Variants in CCSER1 observed in about 807,000 individuals in gnomAD.
CCSER1 encodes the protein coiled-coil serine rich protein 1.
A neutral mutation model predicts 82.0 loss-of-function variants in CCSER1; 41 were observed. That is an observed-to-expected ratio of 0.50 (90% CI 0.39 to 0.65). The LOEUF is 0.65. Ranked by LOEUF, CCSER1 falls within the 30% of genes least tolerant of loss-of-function variation. The pLI is 0.00. For synonymous variants in CCSER1, 414 were observed against 383.9 expected (o/e 1.08, Z -0.92); for missense variants, 1,119 against 1,064.2 (o/e 1.05, Z -0.72).
At chr4:90,280,261 A>G (rs1196265730) in intron 1 of CCSER1, among the ~76,000 whole-genome samples, 1 of 151,934 alleles carries the variant, frequency 6.6e-6, no homozygotes, top group Non-Finnish European at 1.5e-5. Flanking sequence ...GTAATGATGA[A>G]TTTTTGGGCA....
chr4:90,602,984 T>C (rs1004887852), intron 5 of CCSER1, among the ~76,000 whole-genome samples: 1 of 152,166 alleles, frequency 6.6e-6, no homozygotes, highest in Non-Finnish European at 1.5e-5. Flanking sequence ...CTTAGTACCA[T>C]GGAAAGTAAG....
chr4:91,170,919 C>G (rs1433744292), intron 10 of CCSER1, among the ~76,000 whole-genome samples: 3 of 152,154 alleles, frequency 2.0e-5, no homozygotes, highest in African/African-American at 7.2e-5. Flanking sequence ...ATGCACAACC[C>G]AGCCTCAGCA....
Position 90,932,828 on chromosome 4 carries a change from CAAA to C in CCSER1, c.2172+9396_2172+9398del, listed in dbSNP as rs70965459. Among the ~76,000 whole-genome samples, 14 of 25,184 alleles carry C rather than the reference CAAA, an allele frequency of 5.6e-4. 1 individual carries two copies. Among genetic ancestry groups the C allele is most frequent in the African/African-American group, 2.6e-3 (14 of 5,398 alleles). The allele number at this position is 25,184 out of a possible 152,430, so 16.5% of individuals were successfully genotyped here. A position where few individuals can be genotyped will look rare whatever the true frequency, so the allele number is the denominator to read the frequency against. On this transcript the variant is annotated intron_variant, in intron 9 of 10. Transcript: ENST00000509176. ...GGGTGACAGAGCAAGACTCCGTCTC[CAAA>C]AAAAAAAAAAAAAAGAAACAATGTT...
intron 1 of CCSER1, among the ~76,000 whole-genome samples, chr4:90,225,861 T>G (rs766317007): frequency 7.9e-5 from 12 of 152,238 alleles, no homozygotes; most frequent in Non-Finnish European, 1.3e-4. Context: ...GCTGCTTCTC[T>G]CATCAAGAAG....
chr4:91,358,775 C>G (rs116724635), intron 10 of CCSER1, among the ~76,000 whole-genome samples: 37 of 152,176 alleles, frequency 2.4e-4, no homozygotes, highest in Admixed American at 1.8e-3. Flanking sequence ...CTGCTATGTG[C>G]GCTGCTCTGG....
intron 6 of CCSER1, among the ~76,000 whole-genome samples, chr4:90,630,023 A>G (rs1724073008): frequency 1.3e-5 from 2 of 152,190 alleles, no homozygotes; most frequent in Non-Finnish European, 2.9e-5. Context: ...GAAATCAGCC[A>G]TGTGGGAGTA....
At chr4:90,607,252 A>G (rs1784847066) in intron 5 of CCSER1, among the ~76,000 whole-genome samples, 1 of 152,142 alleles carries the variant, frequency 6.6e-6, no homozygotes, top group African/African-American at 2.4e-5. Context: ...GTATATTTTG[A>G]TATATATGTC....
chr4:90,996,447 T>A (rs1233746313), intron 9 of CCSER1, among the ~76,000 whole-genome samples: 1 of 152,082 alleles, frequency 6.6e-6, no homozygotes, highest in Non-Finnish European at 1.5e-5. Context: ...GCTTTCCACC[T>A]ATTTGCAAGT....
At chr4:91,244,127 A>G (rs62311980) in intron 10 of CCSER1, among the ~76,000 whole-genome samples, 4,804 of 152,304 alleles carry the variant, frequency 0.032, 111 homozygotes, top group African/African-American at 0.06. Context: ...GTGGCCTGGC[A>G]GAACCCCCAT....
At chr4:90,686,936 C>G (rs1734909509) in intron 6 of CCSER1, among the ~76,000 whole-genome samples, 1 of 152,128 alleles carries the variant, frequency 6.6e-6, no homozygotes, top group African/African-American at 2.4e-5. Flanking sequence ...AACTAAACCA[C>G]CTTACAAAAC....
rs558843984 is a variant in CCSER1, at chr4:90,149,366, T to A, written c.-42+21535T>A. Among the ~76,000 whole-genome samples, 9 of 152,018 alleles carry A rather than the reference T, an allele frequency of 5.9e-5. No individual in the cohort carries two copies. In the South Asian group the frequency reaches 1.9e-3, roughly 32 times the overall value. On this transcript the variant is annotated intron_variant, in intron 1 of 10. Transcript: ENST00000509176. ...TGAACATTTGCTATTTTATTGTTGC[T>A]GTTTTCAGGCAAAGCCATTTCATTG...
At chr4:90,593,473 G>T (rs1001592105) in intron 5 of CCSER1, among the ~76,000 whole-genome samples, 1 of 152,064 alleles carries the variant, frequency 6.6e-6, no homozygotes, top group Admixed American at 6.6e-5. Context: ...ATTTTTGGGG[G>T]TTTAAATATC....
intron 1 of CCSER1, among the ~76,000 whole-genome samples, chr4:90,179,105 T>C (rs1733239029): frequency 6.6e-6 from 1 of 152,204 alleles, no homozygotes; most frequent in Non-Finnish European, 1.5e-5. Flanking sequence ...TATATAGCTG[T>C]TGCTTTATAT....
chr4:91,079,361 G>C (rs996227598), intron 9 of CCSER1, among the ~76,000 whole-genome samples: 6 of 152,176 alleles, frequency 3.9e-5, no homozygotes, highest in African/African-American at 1.4e-4. Flanking sequence ...ATCTTTTACA[G>C]ACAAGCAAAT....
chr4:90,977,746 C>T (rs945877597), intron 9 of CCSER1, among the ~76,000 whole-genome samples: 7 of 151,638 alleles, frequency 4.6e-5, no homozygotes, highest in African/African-American at 1.5e-4. Context: ...CCTTCCCACT[C>T]CCACTCATTT....
chr4:90,636,351 A>G (rs1725413843), intron 6 of CCSER1, among the ~76,000 whole-genome samples: 1 of 151,856 alleles, frequency 6.6e-6, no homozygotes, highest in South Asian at 2.1e-4. Context: ...CAGGAAATAG[A>G]GACACATTAT....
intron 1 of CCSER1, among the ~76,000 whole-genome samples, chr4:90,161,668 A>G (rs142949605): frequency 6.6e-6 from 1 of 152,282 alleles, no homozygotes; most frequent in Non-Finnish European, 1.5e-5. Flanking sequence ...ACAAGCAAAT[A>G]TTGAATCAGT....
At chr4:90,492,638 T>C (rs926693389) in intron 5 of CCSER1, among the ~76,000 whole-genome samples, 1 of 152,216 alleles carries the variant, frequency 6.6e-6, no homozygotes, top group African/African-American at 2.4e-5. Flanking sequence ...TCTTTCCTGC[T>C]TTCTCTTGTG....
At chr4:91,307,462 C>T (rs554000681) in intron 10 of CCSER1, among the ~76,000 whole-genome samples, 1 of 152,012 alleles carries the variant, frequency 6.6e-6, no homozygotes, top group African/African-American at 2.4e-5. Context: ...ATTGTTACAG[C>T]TGTAAGCAAA....
Sources: gnomAD v4.1 joint callset for allele counts (sites outside exome capture counted in the v4.1 genomes callset) on GRCh38, gnomAD v4.1.1 for gene constraint, MANE v1.5 for transcripts, NCBI Gene and HGNC (gene_info 2026-07-23, HGNC 2026-07-21) for gene names.